Variants in DLGAP1 observed in about 807,000 individuals in gnomAD.
DLGAP1 encodes disks large-associated protein 1.
A neutral mutation model predicts 90.8 loss-of-function variants in DLGAP1; 11 were observed. The observed-to-expected ratio is 0.12, with a 90% CI of 0.08 to 0.20. The LOEUF (loss-of-function observed/expected upper bound fraction) is 0.20, where lower values mean the gene tolerates loss of function less well. DLGAP1 is among the 10% of genes least tolerant of loss of function. The pLI is 1.00. For missense variants in DLGAP1, 1,050 were observed against 1,333.8 expected, an observed-to-expected ratio of 0.79 and a Z score of 3.31; for synonymous variants, 558 against 540.7, an observed-to-expected ratio of 1.03 and a Z score of -0.44.
chr18:3,628,025 C>CAT (rs2058368318), intron 7 of DLGAP1, among the ~76,000 whole-genome samples: 5 of 151,040 alleles, frequency 3.3e-5, no homozygotes, highest in South Asian at 2.1e-4. Context: ...ATTACAGGCG[C>CAT]GCACCACACC....
At chr18:4,259,885 A>G (rs2078970408) in intron 1 of DLGAP1, among the ~76,000 whole-genome samples, 1 of 152,198 alleles carries the variant, frequency 6.6e-6, no homozygotes, top group Admixed American at 6.5e-5. Context: ...TCTCTGTGTT[A>G]GGTCTACTGC....
chr18:3,523,240 G>T (rs1329698303), intron 10 of DLGAP1, among the ~76,000 whole-genome samples: 3 of 151,972 alleles, frequency 2.0e-5, no homozygotes, highest in African/African-American at 7.2e-5. Context: ...AGCCGGGCAT[G>T]GTGGTGCATG....
At chr18:3,629,797 A>C (rs1456996429) in intron 7 of DLGAP1, among the ~76,000 whole-genome samples, 1 of 152,150 alleles carries the variant, frequency 6.6e-6, no homozygotes, top group Non-Finnish European at 1.5e-5. Context: ...TCCTAATGAG[A>C]TGAGCACTTT....
chr18:3,844,073 A>G (rs2148650991), intron 4 of DLGAP1, among the ~76,000 whole-genome samples: 1 of 152,328 alleles, frequency 6.6e-6, no homozygotes, highest in African/African-American at 2.4e-5. Context: ...AAAGGCTTCC[A>G]TGAAACAAAA....
intron 1 of DLGAP1, among the ~76,000 whole-genome samples, chr18:4,441,568 C>G (rs1345265838): frequency 6.6e-6 from 1 of 152,146 alleles, no homozygotes; most frequent in African/African-American, 2.4e-5. Flanking sequence ...AGCAGCTTTG[C>G]CTTCAGACTA....
intron 7 of DLGAP1, among the ~76,000 whole-genome samples, chr18:3,667,765 C>T (rs761324905): frequency 1.3e-5 from 2 of 152,130 alleles, no homozygotes; most frequent in Non-Finnish European, 2.9e-5. Context: ...AGAGTTCCAC[C>T]CCCAAGGCTA....
intron 7 of DLGAP1, among the ~76,000 whole-genome samples, chr18:3,659,445 A>T (rs1238843752): frequency 1.9e-5 from 2 of 105,242 alleles, no homozygotes; most frequent in Non-Finnish European, 3.7e-5. Context: ...GGATGCTACC[A>T]CCCCCCGCCG....
chr18:4,322,948 A>C (rs955543998), intron 1 of DLGAP1, among the ~76,000 whole-genome samples: 1,299 of 88,232 alleles, frequency 0.015, 4 homozygotes, highest in African/African-American at 0.051. Context: ...GCACAGAAAA[A>C]AAAAAAAAAA....
chr18:4,189,367 G>A (rs1458490734), intron 1 of DLGAP1, among the ~76,000 whole-genome samples: 1 of 152,078 alleles, frequency 6.6e-6, no homozygotes, highest in East Asian at 1.9e-4. Context: ...AAAAGTATAA[G>A]TCTTAATAAA....
intron 3 of DLGAP1, among the ~76,000 whole-genome samples, chr18:3,954,363 G>A (rs934882268): frequency 9.2e-5 from 14 of 152,160 alleles, no homozygotes; most frequent in African/African-American, 3.4e-4. Context: ...GCCAAAACAG[G>A]ATTTTTGATG....
At chr18:4,106,866 G>A (rs2075878128) in intron 2 of DLGAP1, among the ~76,000 whole-genome samples, 1 of 152,168 alleles carries the variant, frequency 6.6e-6, no homozygotes, top group Non-Finnish European at 1.5e-5. Flanking sequence ...GGAGAGACCC[G>A]AATACAGAGC....
At chr18:3,928,483 G>C (rs917537588) in intron 3 of DLGAP1, among the ~76,000 whole-genome samples, 4 of 152,162 alleles carry the variant, frequency 2.6e-5, no homozygotes, top group African/African-American at 9.7e-5. Context: ...GAAGAGAGAA[G>C]AAAATATACT....
intron 1 of DLGAP1, among the ~76,000 whole-genome samples, chr18:4,159,062 A>T (rs1052240024): frequency 6.6e-6 from 1 of 152,202 alleles, no homozygotes; most frequent in African/African-American, 2.4e-5. Context: ...CTTCTACCCT[A>T]ATCCATTTGA....
chr18:3,824,738 T>C (rs995493503), intron 4 of DLGAP1, among the ~76,000 whole-genome samples: 1 of 152,216 alleles, frequency 6.6e-6, no homozygotes, highest in Non-Finnish European at 1.5e-5. Flanking sequence ...CTCGTCATCA[T>C]CATCTGATTC....
intron 7 of DLGAP1, among the ~76,000 whole-genome samples, chr18:3,688,441 A>C (rs2060776536): frequency 6.6e-6 from 1 of 152,086 alleles, no homozygotes; most frequent in South Asian, 2.1e-4. Context: ...TGGCACCCTA[A>C]GGGAAAGATC....
At chr18:3,937,644 G>A (rs955742481) in intron 3 of DLGAP1, among the ~76,000 whole-genome samples, 3 of 152,124 alleles carry the variant, frequency 2.0e-5, no homozygotes, top group Admixed American at 6.5e-5. Flanking sequence ...AGAAGTAATC[G>A]AATTTAGCAA....
At chr18:3,683,864 CACTT>C (rs1336671713) in intron 7 of DLGAP1, among the ~76,000 whole-genome samples, 1 of 152,028 alleles carries the variant, frequency 6.6e-6, no homozygotes, top group Non-Finnish European at 1.5e-5. Flanking sequence ...TTTGGGAAAT[CACTT>C]ACTCTTCAAG....
At chr18:3,752,489 AT>A (rs1263444126) in intron 5 of DLGAP1, among the ~76,000 whole-genome samples, 63 of 148,310 alleles carry the variant, frequency 4.2e-4, no homozygotes, top group Middle Eastern at 3.5e-3. Flanking sequence ...TTAGCATGAT[AT>A]TTTCTTTCCT....
intron 4 of DLGAP1, among the ~76,000 whole-genome samples, chr18:3,820,939 C>T (rs1386446956): frequency 6.6e-6 from 1 of 152,156 alleles, no homozygotes; most frequent in Admixed American, 6.5e-5. Context: ...TTAATCTTTG[C>T]AACAGTTGTA....
Sources: gnomAD v4.1 joint callset for allele counts (sites outside exome capture counted in the v4.1 genomes callset) on GRCh38, gnomAD v4.1.1 for gene constraint, MANE v1.5 for transcripts, NCBI Gene and HGNC (gene_info 2026-07-23, HGNC 2026-07-21) for gene names.